FAM163A: variants seen among roughly 807,000 people sequenced by gnomAD.
FAM163A encodes the protein protein FAM163A.
Under a neutral mutation model 12.0 loss-of-function variants are expected in FAM163A, and 7 were observed. The observed-to-expected ratio is 0.58, with a 90% CI of 0.33 to 1.10. The LOEUF is 1.10. Among genes scored for constraint, FAM163A ranks in the 50% least tolerant of loss-of-function variants. The pLI, the probability that FAM163A is intolerant of heterozygous loss-of-function variation, is 0.03. For missense variants in FAM163A, 202 were observed against 218.6 expected, an observed-to-expected ratio of 0.92 and a Z score of 0.48; for synonymous variants, 101 against 91.0, an observed-to-expected ratio of 1.11 and a Z score of -0.62.
Position 179,813,860 on chromosome 1 carries a change from G to T in FAM163A, c.175G>T (p.Gly59Cys). The T allele has an allele frequency of 1.2e-6, 2 of 1,613,998 alleles. No homozygotes were observed. The highest frequency in any genetic ancestry group is 1.7e-6 in the Non-Finnish European group (2 of 1,180,034). Reference sequence around the variant, plus strand: ...GCACGACCTTCCCACGCATCCCAGAGGCCCCACCTGCAATGCCTGCAGCTC... The same window carrying T: ...GCACGACCTTCCCACGCATCCCAGATGCCCCACCTGCAATGCCTGCAGCTC... ...REHDLPTHPR[G>C]PTCNACSSQA... The change falls in exon 5 of 5, where the codon GGC becomes TGC. Residue 59 changes from glycine to cysteine, a missense_variant. Coordinates refer to ENST00000341785, the MANE Select transcript of FAM163A (RefSeq NM_173509.3).
intron 1 of FAM163A, among the ~76,000 whole-genome samples, chr1:179,782,456 G>A (rs1275428558): frequency 2.0e-5 from 3 of 151,994 alleles, no homozygotes; most frequent in Non-Finnish European, 4.4e-5. Flanking sequence ...CTTCTCATTT[G>A]GCGGGCGGGA....
At chr1:179,813,050 C>T (rs1694921505) in intron 3 of FAM163A, 26 bp from the exon 4 acceptor site, 1 of 1,546,266 alleles carries the variant, frequency 6.5e-7, no homozygotes, top group Non-Finnish European at 8.8e-7. Flanking sequence ...CACAGCTGGT[C>T]CTCAGCCCTC....
intron 1 of FAM163A, among the ~76,000 whole-genome samples, chr1:179,784,929 G>A (rs1050671379): frequency 1.7e-4 from 26 of 152,082 alleles, no homozygotes; most frequent in African/African-American, 6.3e-4. Context: ...TCTGTTGCCT[G>A]GCTACCCGGC....
intron 2 of FAM163A, among the ~76,000 whole-genome samples, chr1:179,809,335 G>T (rs777710490): frequency 6.6e-6 from 1 of 152,178 alleles, no homozygotes; most frequent in Non-Finnish European, 1.5e-5. Flanking sequence ...TCACACTTGA[G>T]AATTCAGAGG....
chr1:179,778,044 C>A (rs926570810), intron 1 of FAM163A, among the ~76,000 whole-genome samples: 1 of 152,182 alleles, frequency 6.6e-6, no homozygotes, highest in East Asian at 1.9e-4. Flanking sequence ...GTTGAAAATG[C>A]ATGTCATACC....
intron 1 of FAM163A, among the ~76,000 whole-genome samples, chr1:179,770,273 A>G (rs1375834721): frequency 6.6e-6 from 1 of 151,708 alleles, no homozygotes; most frequent in Non-Finnish European, 1.5e-5. Flanking sequence ...CCTCCTAAAT[A>G]CCTCATATTT....
chr1:179,747,446 G>C (rs2454196), intron 1 of FAM163A, among the ~76,000 whole-genome samples: 93,607 of 152,132 alleles, frequency 0.62, 29,567 homozygotes, highest in African/African-American at 0.76. Flanking sequence ...GGGACAGGCT[G>C]TTGAATAGCA....
intron 1 of FAM163A, among the ~76,000 whole-genome samples, chr1:179,756,382 G>C (rs543060649): frequency 2.4e-4 from 36 of 150,668 alleles, no homozygotes; most frequent in African/African-American, 8.3e-4. Context: ...GCAGGACCTG[G>C]AGATTGATTG....
rs1245179630 is a variant in FAM163A, at chr1:179,815,959, C to A, written c.*1770C>A. 1 of 152,208 alleles carries A rather than the reference C, an allele frequency of 6.6e-6. No individual in the cohort carries two copies. The highest frequency in any genetic ancestry group is 2.4e-5 in the African/African-American group (1 of 41,420). 9.4% of individuals were successfully genotyped at this position (152,208 alleles called of 1,614,324 possible). On this transcript the variant is annotated 3_prime_UTR_variant, in exon 5 of 5. Coordinates refer to ENST00000341785, the MANE Select transcript of FAM163A (RefSeq NM_173509.3). ...TTTGGTCACTCATTAGCTCTAGGACCAGTCACTAATCTCTGAGACTCCATT... is the reference window on the plus strand; with the variant it reads ...TTTGGTCACTCATTAGCTCTAGGACAAGTCACTAATCTCTGAGACTCCATT...
upstream of FAM163A, chr1:179,743,139 TTGAC>T (rs1683869705): frequency 6.6e-6 from 1 of 152,318 alleles, no homozygotes; most frequent in Non-Finnish European, 1.5e-5. Context: ...GTTGCGCTGT[TTGAC>T]TGCGTGGCTT....
At chr1:179,747,841 T>A (rs534222826) in intron 1 of FAM163A, among the ~76,000 whole-genome samples, 1 of 152,176 alleles carries the variant, frequency 6.6e-6, no homozygotes, top group Admixed American at 6.5e-5. Flanking sequence ...AACAAAGCAG[T>A]CAGTGTTCTG....
At chr1:179,748,711 T>C (rs1684855703) in intron 1 of FAM163A, among the ~76,000 whole-genome samples, 1 of 152,188 alleles carries the variant, frequency 6.6e-6, no homozygotes, top group Non-Finnish European at 1.5e-5. Context: ...GATAAATTAT[T>C]AAGTCCGTCT....
chr1:179,803,875 C>T (rs1442317895), intron 1 of FAM163A: 1 of 151,342 alleles, frequency 6.6e-6, no homozygotes, highest in Non-Finnish European at 1.5e-5. Context: ...CCAGGCCCCC[C>T]ATTCTGACCA....
At chr1:179,801,441 T>G (rs1439938864) in intron 1 of FAM163A, among the ~76,000 whole-genome samples, 2 of 152,034 alleles carry the variant, frequency 1.3e-5, no homozygotes, top group Non-Finnish European at 2.9e-5. Context: ...TGGAGACGTC[T>G]CTCCTGTGAG....
chr1:179,805,275 T>C (rs973704787), intron 1 of FAM163A, among the ~76,000 whole-genome samples: 2 of 152,146 alleles, frequency 1.3e-5, no homozygotes, highest in Non-Finnish European at 2.9e-5. Context: ...CCTAGTACTT[T>C]GGGAGGCTGA....
chr1:179,728,160 TTA>T, the FAM163A span, among the ~76,000 whole-genome samples: 1 of 152,138 alleles, frequency 6.6e-6, no homozygotes, highest in Non-Finnish European at 1.5e-5. Flanking sequence ...ATTCTTAATA[TTA>T]TGTTTCCTAT....
chr1:179,733,084 G>A, the FAM163A span, among the ~76,000 whole-genome samples: 343 of 151,980 alleles, frequency 2.3e-3, 2 homozygotes, highest in African/African-American at 7.6e-3. Context: ...GAGGCGGCAG[G>A]GACCAGGACA....
At chr1:179,758,410 G>C (rs1046711471) in intron 1 of FAM163A, among the ~76,000 whole-genome samples, 8 of 152,142 alleles carry the variant, frequency 5.3e-5, no homozygotes, top group African/African-American at 1.7e-4. Flanking sequence ...CAGAGAACAT[G>C]CTGAGAAAAA....
intron 1 of FAM163A, among the ~76,000 whole-genome samples, chr1:179,770,242 C>A (rs1397043463): frequency 1.3e-5 from 2 of 152,102 alleles, no homozygotes; most frequent in Non-Finnish European, 2.9e-5. Flanking sequence ...CTATATCCAA[C>A]CAATGCTGTG....
Sources: allele counts gnomAD v4.1 joint callset (sites outside exome capture counted in the v4.1 genomes callset), GRCh38; gene constraint gnomAD v4.1.1; transcripts MANE v1.5; gene names NCBI Gene and HGNC (gene_info 2026-07-23, HGNC 2026-07-21).